ARHGAP26: variants seen among roughly 807,000 people sequenced by gnomAD.
ARHGAP26 encodes rho GTPase-activating protein 26.
A neutral mutation model predicts 104.8 loss-of-function variants in ARHGAP26; 38 were observed. That is an observed-to-expected ratio of 0.36 (90% CI 0.28 to 0.48). The LOEUF is 0.48. Ranked by LOEUF, ARHGAP26 falls within the 20% of genes least tolerant of loss-of-function variation. ARHGAP26 has a pLI of 0.99. For synonymous variants in ARHGAP26, 341 were observed against 340.0 expected, an observed-to-expected ratio of 1.00 and a Z score of -0.03; for missense variants, 704 against 947.9, an observed-to-expected ratio of 0.74 and a Z score of 3.38.
intron 20 of ARHGAP26, chr5:143,203,231 A>G (rs1253512686): frequency 1.3e-5 from 2 of 152,216 alleles, no homozygotes; most frequent in East Asian, 1.9e-4. Flanking sequence ...TACAAGAAAA[A>G]AAAACAACCC....
At chr5:142,964,472 A>G (rs1770923098) in intron 11 of ARHGAP26, among the ~76,000 whole-genome samples, 1 of 152,132 alleles carries the variant, frequency 6.6e-6, no homozygotes, top group Non-Finnish European at 1.5e-5. Context: ...ACAAAACTAT[A>G]TTGTTAAGTT....
chr5:143,067,991 C>A (rs1028195526), intron 17 of ARHGAP26, among the ~76,000 whole-genome samples: 1 of 152,044 alleles, frequency 6.6e-6, no homozygotes, highest in Non-Finnish European at 1.5e-5. Flanking sequence ...TGGTGAAACC[C>A]CATCTCTACT....
intron 17 of ARHGAP26, among the ~76,000 whole-genome samples, chr5:143,087,636 C>CTTCTTT (rs756401821): frequency 1.6e-4 from 8 of 51,566 alleles, no homozygotes; most frequent in South Asian, 1.2e-3. Flanking sequence ...CTGGCCCATT[C>CTTCTTT]TTTTTTTTTT....
Position 142,873,454 on chromosome 5 carries a change from A to G in ARHGAP26, c.209A>G (p.Gln70Arg). ...FADSLNEFKF[Q>R]CIGDAETDDE... Reference sequence around the variant, plus strand: ...GATTCCTTAAATGAATTTAAATTTCAGTGCATAGGAGATGCAGAAACAGAT... The same window carrying G: ...GATTCCTTAAATGAATTTAAATTTCGGTGCATAGGAGATGCAGAAACAGAT... The change falls in exon 2 of 23, where the codon CAG (glutamine) becomes CGG (arginine). Residue 70 changes from glutamine to arginine, a missense_variant. Around this residue, in one of 6 missense-constraint regions of ARHGAP26, gnomAD observed 1 missense variants for 16.9 expected, o/e 0.06. Transcript: ENST00000645722. The G allele has an allele frequency of 6.2e-7, 1 of 1,601,002 alleles. No homozygotes were observed. Among genetic ancestry groups the G allele is most frequent in the Non-Finnish European group, 8.5e-7 (1 of 1,176,616 alleles).
intron 21 of ARHGAP26, among the ~76,000 whole-genome samples, chr5:143,212,950 C>G (rs999040190): frequency 6.6e-6 from 1 of 152,138 alleles, no homozygotes; most frequent in African/African-American, 2.4e-5. Flanking sequence ...TTGAGACCAT[C>G]CTGGCTAACA....
chr5:142,800,621 CAAAGTG>C (rs1409105733), intron 1 of ARHGAP26, among the ~76,000 whole-genome samples: 6 of 152,330 alleles, frequency 3.9e-5, no homozygotes, highest in Admixed American at 1.3e-4. Context: ...CTCAGCCTCC[CAAAGTG>C]CTGGGATTAC....
intron 21 of ARHGAP26, among the ~76,000 whole-genome samples, chr5:143,211,986 A>G (rs1341107036): frequency 6.6e-6 from 1 of 152,206 alleles, no homozygotes; most frequent in Non-Finnish European, 1.5e-5. Context: ...TCTGGCTGCC[A>G]AATACCCCTG....
chr5:142,969,171 G>T (rs37201), intron 11 of ARHGAP26, among the ~76,000 whole-genome samples: 12,095 of 152,198 alleles, frequency 0.079, 738 homozygotes, highest in East Asian at 0.26. Flanking sequence ...GAACTCCTGT[G>T]CTCAAGCAAT....
At chr5:142,954,961 C>A (rs911516920) in intron 11 of ARHGAP26, among the ~76,000 whole-genome samples, 1 of 152,144 alleles carries the variant, frequency 6.6e-6, no homozygotes, top group Non-Finnish European at 1.5e-5. Flanking sequence ...GGAAACATCT[C>A]ATTAAAGATA....
chr5:143,033,952 T>C (rs1182048085), intron 12 of ARHGAP26, among the ~76,000 whole-genome samples: 3 of 152,206 alleles, frequency 2.0e-5, no homozygotes, highest in African/African-American at 7.2e-5. Flanking sequence ...GTAGGCTCTA[T>C]TGTGACTACT....
intron 6 of ARHGAP26, 104 bp downstream of exon 6, chr5:142,894,452 C>T: frequency 9.8e-7 from 1 of 1,019,524 alleles, no homozygotes; most frequent in Admixed American, 2.0e-5. Flanking sequence ...AGAGGTTGAG[C>T]AGCCCTGACA....
chr5:143,168,240 T>C (rs1802279700), intron 20 of ARHGAP26, among the ~76,000 whole-genome samples: 1 of 152,202 alleles, frequency 6.6e-6, no homozygotes. Flanking sequence ...TTTTGTTTTC[T>C]TGTGTCAATA....
rs181521370 is a variant in ARHGAP26 at position 142,961,929 on chromosome 5, C to A, written c.1107+29804C>A. Among the ~76,000 whole-genome samples the A allele has an allele frequency of 1.5e-4, 23 of 152,234 alleles. No individual in the cohort carries two copies. The East Asian group carries it at 3.3e-3, about 22-fold the overall frequency. ...TTCAGCATCTGTTAGACAAAAATGA[C>A]GACAGATCCATTTCCTGGTAGAAAT... is the stretch of plus-strand genomic sequence containing the variant. On this transcript the variant is annotated intron_variant, in intron 11 of 22. Coordinates refer to ENST00000645722, the MANE Select transcript of ARHGAP26 (RefSeq NM_001135608.3).
intron 1 of ARHGAP26, among the ~76,000 whole-genome samples, chr5:142,795,068 A>G (rs1364976481): frequency 4.6e-5 from 7 of 152,088 alleles, no homozygotes; most frequent in South Asian, 4.1e-4. Context: ...AAAAAAATTT[A>G]TAGCCCTTTA....
At chr5:143,183,156 G>A (rs1398419010) in intron 20 of ARHGAP26, among the ~76,000 whole-genome samples, 1 of 151,898 alleles carries the variant, frequency 6.6e-6, no homozygotes, top group African/African-American at 2.4e-5. Context: ...GTTCTTGGTG[G>A]CAGTATAATC....
intron 18 of ARHGAP26, among the ~76,000 whole-genome samples, chr5:143,128,265 A>G (rs1376737913): frequency 6.6e-6 from 1 of 152,230 alleles, no homozygotes; most frequent in Non-Finnish European, 1.5e-5. Flanking sequence ...TTACTCAAAT[A>G]AAGGTGGAGA....
intron 11 of ARHGAP26, chr5:142,946,997 GC>G (rs1767211318): frequency 6.6e-6 from 1 of 150,452 alleles, no homozygotes; most frequent in Admixed American, 6.7e-5. Context: ...GCCTTAGCCA[GC>G]CCCAGCCAGC....
At chr5:143,150,725 C>T (rs1365224074) in intron 20 of ARHGAP26, among the ~76,000 whole-genome samples, 1 of 152,122 alleles carries the variant, frequency 6.6e-6, no homozygotes, top group African/African-American at 2.4e-5. Flanking sequence ...TCCATATACA[C>T]AAAAATGAAT....
chr5:142,954,938 T>C (rs1768975105), intron 11 of ARHGAP26, among the ~76,000 whole-genome samples: 1 of 152,186 alleles, frequency 6.6e-6, no homozygotes, highest in South Asian at 2.1e-4. Flanking sequence ...TAATCACTTT[T>C]GAGGAGCAAG....
Sources: allele counts gnomAD v4.1 joint callset (sites outside exome capture counted in the v4.1 genomes callset), GRCh38; gene constraint gnomAD v4.1.1; regional missense constraint gnomAD v4.1.1; transcripts MANE v1.5; gene names NCBI Gene and HGNC (gene_info 2026-07-23, HGNC 2026-07-21).